Variants in DCHS1 observed in about 807,000 individuals in gnomAD.
DCHS1 encodes dachsous cadherin-related 1, also known as protocadherin-16.
A neutral mutation model predicts 213.9 loss-of-function variants in DCHS1; 78 were observed. That is an observed-to-expected ratio of 0.36 (90% CI 0.30 to 0.44). The LOEUF (loss-of-function observed/expected upper bound fraction) is 0.44, where lower values mean the gene tolerates loss of function less well. DCHS1 is among the 20% of genes least tolerant of loss of function. The pLI is 1.00. For missense variants in DCHS1, 3,946 were observed against 4,395.9 expected, an observed-to-expected ratio of 0.90 and a Z score of 2.89; for synonymous variants, 1,828 against 1,873.7, an observed-to-expected ratio of 0.98 and a Z score of 0.63.
intron 1 of DCHS1, among the ~76,000 whole-genome samples, chr11:6,653,837 T>C (rs1193674639): frequency 6.6e-6 from 1 of 151,524 alleles, no homozygotes; most frequent in Non-Finnish European, 1.5e-5. Context: ...AACAAAGAGG[T>C]CAAGGGCAAG....
rs768742298 is a variant in DCHS1, at chr11:6,626,002, G to A, written c.6649C>T (p.Arg2217Cys). 5.6e-6 allele frequency: 9 copies of A among 1,612,954 alleles called. No homozygotes were observed. The highest frequency in any genetic ancestry group is 3.3e-5 in the South Asian group (3 of 90,820). ...GTTGGGTCTACGTGGAACAATCCACGTGCCGGCTGGGATGCAGCCAGACTG... is the reference window on the plus strand; with the variant it reads ...GTTGGGTCTACGTGGAACAATCCACATGCCGGCTGGGATGCAGCCAGACTG... ...SYSLAASQPA[R>C]GLFHVDPTTG... Residue 2217 changes from arginine (R) to cysteine (C), a missense_variant, in exon 17 of 21, where the codon CGT becomes TGT. By Grantham distance (180) the Arg-to-Cys change is radical. Around this residue, in one of 3 missense-constraint regions of DCHS1, gnomAD observed 3,384 missense variants for 3,780.1 expected, o/e 0.90. Transcript: ENST00000299441. This position sits in a 1 kb window ranked among gnomAD's most constrained non-coding sequence, Gnocchi z 5.2.
chr11:6,655,613 C>T lies in DCHS1; in HGVS notation c.-171G>A, dbSNP rs1292013497. ...CCGGTGCTGGGGCGCCGTCCGGCCG[C>T]GGTCAGCCCCCCGGGCAGCGCCCGC... On this transcript the variant is annotated 5_prime_UTR_variant, in exon 1 of 21. Transcript: ENST00000299441. 10 of 979,888 alleles carry T rather than the reference C, an allele frequency of 1.0e-5. No homozygotes were observed. The highest frequency in any genetic ancestry group is 1.0e-3 in the Middle Eastern group (2 of 1,928). 60.7% of individuals were successfully genotyped at this position (979,888 alleles called of 1,614,324 possible). A position where few individuals can be genotyped will look rare whatever the true frequency, so the allele number is the denominator to read the frequency against.
chr11:6,646,633 T>A (rs981982691), intron 1 of DCHS1, among the ~76,000 whole-genome samples: 3 of 152,132 alleles, frequency 2.0e-5, no homozygotes, highest in Non-Finnish European at 4.4e-5. Context: ...ATGGCTCTTC[T>A]CCCACCTGAT....
chr11:6,626,626 C>T lies in DCHS1; in HGVS notation c.6290G>A (p.Gly2097Asp), dbSNP rs1275494591. The change falls in exon 15 of 21, where the codon GGC becomes GAC. Residue 2097 changes from glycine (G) to aspartate (D), a missense_variant. Gly to Asp is a moderately conservative substitution (Grantham distance 94, BLOSUM62 -1). Coordinates refer to ENST00000299441, the MANE Select transcript of DCHS1 (RefSeq NM_003737.4). The surrounding 1 kb of genome is among the most constrained non-coding windows in gnomAD (Gnocchi z 5.2). ...GCTGTAGGTGATGGGTCCATTTGTGCCTCCTGCATGGACGGCCCTGGGGGA... is the reference window on the plus strand; with the variant it reads ...GCTGTAGGTGATGGGTCCATTTGTGTCTCCTGCATGGACGGCCCTGGGGGA... ...IVSPRAVHAG[G>D]TNGPITYSIL... 6.2e-7 allele frequency: 1 copy of T among 1,613,986 alleles called. No individual in the cohort carries two copies. Among genetic ancestry groups the T allele is most frequent in the East Asian group, 2.2e-5 (1 of 44,884 alleles).
In DCHS1 at chr11:6,625,909, C is replaced by A. The variant is rs922568940; in HGVS notation, c.6731+11G>T. On this transcript the variant is annotated intron_variant, in intron 17 of 20. Coordinates refer to ENST00000299441, the MANE Select transcript of DCHS1 (RefSeq NM_003737.4). This position sits in a 1 kb window ranked among gnomAD's most constrained non-coding sequence, Gnocchi z 5.3. ...AAGATGGGGTCTTGGGTCCACAGGG[C>A]CAGGCCTCACCGTGTTTCAGCCCAG... 6.2e-7 allele frequency: 1 copy of A among 1,611,568 alleles called. No individual in the cohort carries two copies. The highest frequency in any genetic ancestry group is 8.5e-7 in the Non-Finnish European group (1 of 1,178,960).
intron 1 of DCHS1, among the ~76,000 whole-genome samples, chr11:6,645,461 G>A (rs1159294618): frequency 1.3e-5 from 2 of 152,198 alleles, no homozygotes; most frequent in Non-Finnish European, 2.9e-5. Flanking sequence ...AGGCCAATGT[G>A]CTTATCATAC....
At chr11:6,647,708 C>T (rs1317836513) in intron 1 of DCHS1, among the ~76,000 whole-genome samples, 1 of 152,208 alleles carries the variant, frequency 6.6e-6, no homozygotes, top group Non-Finnish European at 1.5e-5. Flanking sequence ...TGAGTTAACA[C>T]AGCCTTAATT....
At position 6,626,299 on chromosome 11, in the gene DCHS1, C is replaced by A; in HGVS notation, c.6446G>T (p.Gly2149Val). ...RLRLVLQAES[G>V]GAFAFTVLTL... is the part of the protein sequence containing the mutation. ...CAGCACAGTGAAGGCAAAGGCTCCT[C>A]CACTCTCTGCCTGCAGCACCAGTCG... Residue 2149 changes from glycine to valine, a missense_variant, in exon 16 of 21, where the codon GGA becomes GTA. This residue lies in a region of DCHS1 where 3,384 missense variants were observed against 3,780.1 expected (regional missense o/e 0.90). Coordinates refer to ENST00000299441, the MANE Select transcript of DCHS1 (RefSeq NM_003737.4). The surrounding 1 kb of genome is among the most constrained non-coding windows in gnomAD (Gnocchi z 5.2). The A allele has an allele frequency of 6.2e-7, 1 of 1,613,336 alleles. No homozygotes were observed. The highest frequency in any genetic ancestry group is 8.5e-7 in the Non-Finnish European group (1 of 1,179,612).
chr11:6,623,979 G>A lies in DCHS1; in HGVS notation c.7697C>T (p.Thr2566Ile). ...TGCAGCCACTGTTAGATTGTACTGTGTCAGGCTTTCAAAGTCTAGAGGTTC... is the reference window on the plus strand; with the variant it reads ...TGCAGCCACTGTTAGATTGTACTGTATCAGGCTTTCAAAGTCTAGAGGTTC... ...LLEPLDFESL[T>I]QYNLTVAAAD... Residue 2566 changes from threonine (T) to isoleucine (I), a missense_variant, in exon 21 of 21, where the codon ACA becomes ATA. Transcript: ENST00000299441. 2 of 1,611,796 alleles carry A rather than the reference G, an allele frequency of 1.2e-6. No individual in the cohort carries two copies. The highest frequency in any genetic ancestry group is 1.7e-6 in the Non-Finnish European group (2 of 1,178,274).
rs200279703 is a variant in DCHS1, at chr11:6,623,744, G to T, written c.7932C>A (p.Gly2644=). 1 of 1,613,880 alleles carries T rather than the reference G, an allele frequency of 6.2e-7. No individual in the cohort carries two copies. The highest frequency in any genetic ancestry group is 1.7e-5 in the Admixed American group (1 of 60,026). ...CCAGCTCAAAGAGCCCTGATGGGTCGCCTGAGCTGACAGTGAAACGCACGA... is the reference window on the plus strand; with the variant it reads ...CCAGCTCAAAGAGCCCTGATGGGTCTCCTGAGCTGACAGTGAAACGCACGA... ...HGLVRFTVSS[G]DPSGLFELDE... The change falls in exon 21 of 21, where the codon GGC becomes GGA. Residue 2644 remains glycine, a synonymous_variant. Transcript: ENST00000299441.
In DCHS1 at chr11:6,624,237, G is replaced by A. The variant is rs199984185; in HGVS notation, c.7439C>T (p.Pro2480Leu). Reference protein sequence around the residue: ...VQLQDQNDHAPSFTLSHYRVA... With the variant: ...VQLQDQNDHALSFTLSHYRVA... ...ACGGTAGTGTGACAATGTGAAGCTC[G>A]GGGCGTGGTCGTTCTGGTCCTGCAG... The change falls in exon 21 of 21, where the codon CCG (proline) becomes CTG (leucine). Residue 2480 changes from proline to leucine, a missense_variant. This residue lies in a region of DCHS1 where 3,384 missense variants were observed against 3,780.1 expected (regional missense o/e 0.90). Transcript: ENST00000299441. 8.1e-6 allele frequency: 13 copies of A among 1,612,776 alleles called. No homozygotes were observed. The highest frequency in any genetic ancestry group is 2.2e-5 in the East Asian group (1 of 44,868).
rs1307044307 is a variant in DCHS1 at position 6,626,903 on chromosome 11, G to T, written c.6136C>A (p.Pro2046Thr). ...LFIVATDLGR[P>T]ARSATGVIIV... ...ATCACACCAGTGGCAGAGCGAGCTG[G>T]ACGGCCAAGATCAGTGGCCACAATG... Residue 2046 changes from proline to threonine, a missense_variant, in exon 14 of 21, where the codon CCA becomes ACA. By Grantham distance (38) the Pro-to-Thr change is conservative (BLOSUM62 -1). Around this residue, in one of 3 missense-constraint regions of DCHS1, gnomAD observed 3,384 missense variants for 3,780.1 expected, o/e 0.90. Transcript: ENST00000299441. This position sits in a 1 kb window ranked among gnomAD's most constrained non-coding sequence, Gnocchi z 5.2. 2.5e-6 allele frequency: 4 copies of T among 1,613,440 alleles called. No individual in the cohort carries two copies. The highest frequency in any genetic ancestry group is 3.4e-6 in the Non-Finnish European group (4 of 1,179,880).
rs762392369 is a variant in DCHS1 at position 6,632,140 on chromosome 11, C to T, written c.3372G>A (p.Val1124=). Residue 1124 remains valine, a synonymous_variant, in exon 6 of 21, where the codon GTG becomes GTA. Coordinates refer to ENST00000299441, the MANE Select transcript of DCHS1 (RefSeq NM_003737.4). The surrounding 1 kb of genome is among the most constrained non-coding windows in gnomAD (Gnocchi z 5.9). The part of the protein sequence containing the change: ...VAENQPPGTS[V]GRVFATDRDS... ...CTCGGTCAGTGGCAAAGACTCGGCC[C>T]ACGCTGGTCCCTGGGGGCTGGTTCT... The T allele has an allele frequency of 6.3e-7, 1 of 1,584,430 alleles. No individual in the cohort carries two copies. The highest frequency in any genetic ancestry group is 1.7e-5 in the Admixed American group (1 of 58,536).
Position 6,639,096 on chromosome 11 carries a change from C to T in DCHS1, c.1797+721G>A, listed in dbSNP as rs143524921. 3.7e-3 allele frequency among the ~76,000 whole-genome samples: 513 copies of T among 138,394 alleles called. 4 individuals carry two copies. The highest frequency in any genetic ancestry group is 0.012 in the African/African-American group (488 of 40,168). 90.8% of individuals were successfully genotyped at this position (138,394 alleles called of 152,430 possible). A position where few individuals can be genotyped will look rare whatever the true frequency, so the allele number is the denominator to read the frequency against. ...CCGCACTCCAGCCTGGGCAACAGAG[C>T]GAGACTCCGCCTCAAAAAAAAAAAA... On this transcript the variant is annotated intron_variant, in intron 2 of 20. Transcript: ENST00000299441.
chr11:6,632,222 T>A lies in DCHS1; in HGVS notation c.3290A>T (p.Asn1097Ile). The change falls in exon 6 of 21, where the codon AAC becomes ATC. Residue 1097 changes from asparagine (N) to isoleucine (I), a missense_variant. Physicochemically the swap from Asn to Ile is moderately radical, Grantham distance 149 (BLOSUM62 -3). Transcript: ENST00000299441. This position sits in a 1 kb window ranked among gnomAD's most constrained non-coding sequence, Gnocchi z 5.9. ...GTATVRVSIL[N>I]QNEHSPRLSE... is the part of the protein sequence containing the mutation. ...CAAGCGGGGACTGTGTTCATTCTGG[T>A]TGAGGATGCTGACCCTCACGGTGGC... 6.2e-7 allele frequency: 1 copy of A among 1,613,116 alleles called. No homozygotes were observed. Among genetic ancestry groups the A allele is most frequent in the Non-Finnish European group, 8.5e-7 (1 of 1,179,308 alleles).
At chr11:6,653,930 G>C (rs1413900876) in intron 1 of DCHS1, among the ~76,000 whole-genome samples, 1 of 152,138 alleles carries the variant, frequency 6.6e-6, no homozygotes, top group African/African-American at 2.4e-5. Flanking sequence ...GGTAGAGAGA[G>C]GAATGCAAGA....
intron 1 of DCHS1, among the ~76,000 whole-genome samples, chr11:6,645,299 A>AG (rs1352655755): frequency 6.6e-6 from 1 of 152,152 alleles, no homozygotes; most frequent in African/African-American, 2.4e-5. Flanking sequence ...AAGAAGGGAG[A>AG]GGATGAGAGT....
Position 6,627,607 on chromosome 11 carries a change from C to G in DCHS1, c.5432G>C (p.Arg1811Pro), listed in dbSNP as rs753758536. ...DLASGEFGTM[R>P]PLDREVEPAF... Reference sequence around the variant, plus strand: ...TGGCTCCACTTCTCTGTCTAGTGGCCGCATGGTGCCAAACTCTCCAGAAGC... The same window carrying G: ...TGGCTCCACTTCTCTGTCTAGTGGCGGCATGGTGCCAAACTCTCCAGAAGC... The change falls in exon 14 of 21, where the codon CGG (arginine) becomes CCG (proline). Residue 1811 changes from arginine to proline, a missense_variant. Physicochemically the swap from Arg to Pro is moderately radical, Grantham distance 103 (BLOSUM62 -2). Transcript: ENST00000299441. The surrounding 1 kb of genome is among the most constrained non-coding windows in gnomAD (Gnocchi z 5.4). The G allele has an allele frequency of 6.2e-7, 1 of 1,613,058 alleles. No homozygotes were observed. Among genetic ancestry groups the G allele is most frequent in the African/African-American group, 1.3e-5 (1 of 74,912 alleles).
At chr11:6,651,501 G>C (rs1006850441) in intron 1 of DCHS1, among the ~76,000 whole-genome samples, 5 of 152,284 alleles carry the variant, frequency 3.3e-5, no homozygotes, top group South Asian at 2.1e-4. Context: ...AAAATGGAAG[G>C]CATTTGAATA....
Sources: allele counts gnomAD v4.1 joint callset (sites outside exome capture counted in the v4.1 genomes callset), GRCh38; gene constraint gnomAD v4.1.1; regional missense constraint gnomAD v4.1.1; non-coding constraint Gnocchi (gnomAD v3.1); transcripts MANE v1.5; gene names NCBI Gene and HGNC (gene_info 2026-07-23, HGNC 2026-07-21).